Variants in UBE2G1 observed in about 807,000 individuals in gnomAD.
UBE2G1 encodes the protein ubiquitin conjugating enzyme E2 G1.
A neutral mutation model predicts 22.7 loss-of-function variants in UBE2G1; 5 were observed. The ratio of observed to expected loss-of-function variants is 0.22; its 90% CI spans 0.12 to 0.46. UBE2G1 has a LOEUF of 0.46. Ranked by LOEUF, UBE2G1 falls within the 20% of genes least tolerant of loss-of-function variation. The probability of loss-of-function intolerance (pLI) is 0.99; values close to 1 mark genes in which losing one functional copy is unlikely to be tolerated. For synonymous variants in UBE2G1, 74 were observed against 67.5 expected, an observed-to-expected ratio of 1.10 and a Z score of -0.47; for missense variants, 88 against 203.9, an observed-to-expected ratio of 0.43 and a Z score of 3.46.
At position 4,301,492 on chromosome 17, in the gene UBE2G1, C is replaced by T. The variant is rs149137971; in HGVS notation, c.150-4678G>A. ...TATAATAATCCTGCTGCCCTTCAGA[C>T]TCAGGATAAACGGAACAGGCAGGTG... On this transcript the variant is annotated intron_variant, in intron 2 of 5. Coordinates refer to ENST00000396981, the MANE Select transcript of UBE2G1 (RefSeq NM_003342.5). The T allele has an allele frequency of 2.3e-4, 203 of 884,410 alleles. 1 individual carries two copies. The African/African-American group carries it at 2.8e-3, about 12-fold the overall frequency. The allele number at this position is 884,410 out of a possible 1,614,324, so 54.8% of individuals were successfully genotyped here.
rs1968770631 is a variant in UBE2G1 at position 4,272,330 on chromosome 17, G to A, written c.*224C>T. Reference sequence around the variant, plus strand: ...ACAATTCTTCCTGAAGGTTAAAACAGTTCATTAGAATTCAAAATGCGTAAT... The same window carrying A: ...ACAATTCTTCCTGAAGGTTAAAACAATTCATTAGAATTCAAAATGCGTAAT... On this transcript the variant is annotated 3_prime_UTR_variant, in exon 6 of 6. Transcript: ENST00000396981. 5.8e-6 allele frequency: 1 copy of A among 171,776 alleles called. No homozygotes were observed. The highest frequency in any genetic ancestry group is 5.4e-5 in the Admixed American group (1 of 18,384). 10.6% of individuals were successfully genotyped at this position (171,776 alleles called of 1,614,324 possible).
chr17:4,278,365 C>A (rs958162779), intron 5 of UBE2G1, among the ~76,000 whole-genome samples: 1 of 152,172 alleles, frequency 6.6e-6, no homozygotes. Flanking sequence ...CTTCTCTGAA[C>A]CACACTGGAA....
intron 5 of UBE2G1, among the ~76,000 whole-genome samples, chr17:4,278,373 G>C (rs1968845562): frequency 6.6e-6 from 1 of 152,068 alleles, no homozygotes; most frequent in South Asian, 2.1e-4. Flanking sequence ...AACCACACTG[G>C]AAGACAAATT....
chr17:4,275,824 C>A (rs1968814957), intron 5 of UBE2G1, among the ~76,000 whole-genome samples: 1 of 152,162 alleles, frequency 6.6e-6, no homozygotes, highest in African/African-American at 2.4e-5. Flanking sequence ...CCTACACAGC[C>A]ACCCAGTGTA....
chr17:4,271,746 T>C lies in UBE2G1; in HGVS notation c.*808A>G, dbSNP rs994626106. The C allele has an allele frequency of 5.4e-5, 8 of 148,752 alleles. No individual in the cohort carries two copies. The highest frequency in any genetic ancestry group is 8.9e-5 in the Non-Finnish European group (6 of 67,240). 9.2% of individuals were successfully genotyped at this position (148,752 alleles called of 1,614,324 possible). ...ATTGTTTGGGGAAATTTTCAGTAAG[T>C]TGAATTAAGAACCATCTATTTTTAG... On this transcript the variant is annotated 3_prime_UTR_variant, in exon 6 of 6. Coordinates refer to ENST00000396981, the MANE Select transcript of UBE2G1 (RefSeq NM_003342.5).
chr17:4,279,827 A>G (rs1968865370), intron 5 of UBE2G1, among the ~76,000 whole-genome samples: 1 of 141,686 alleles, frequency 7.1e-6, no homozygotes, highest in Non-Finnish European at 1.5e-5. Flanking sequence ...ATATATATAT[A>G]TATATGAACC....
intron 3 of UBE2G1, among the ~76,000 whole-genome samples, chr17:4,289,788 A>G (rs1261047258): frequency 1.3e-5 from 2 of 152,206 alleles, no homozygotes; most frequent in Non-Finnish European, 2.9e-5. Flanking sequence ...CTAGCAACTG[A>G]GTTTCTATGT....
chr17:4,315,523 G>C (rs1002261154), intron 1 of UBE2G1, among the ~76,000 whole-genome samples: 2 of 151,910 alleles, frequency 1.3e-5, no homozygotes, highest in Admixed American at 1.3e-4. Context: ...GGCGGATCAT[G>C]AGGTCAGGAG....
At chr17:4,316,583 CAA>C (rs1181129129) in intron 1 of UBE2G1, among the ~76,000 whole-genome samples, 3 of 152,152 alleles carry the variant, frequency 2.0e-5, no homozygotes, top group African/African-American at 4.8e-5. Context: ...CAAGATGCAT[CAA>C]GTTAATAAAT....
At chr17:4,322,910 G>A (rs774647741) in intron 1 of UBE2G1, among the ~76,000 whole-genome samples, 6 of 152,088 alleles carry the variant, frequency 3.9e-5, no homozygotes, top group African/African-American at 4.8e-5. Context: ...TCATATCTCC[G>A]AAGTGATGGA....
chr17:4,284,865 G>T (rs1968943785), intron 4 of UBE2G1, among the ~76,000 whole-genome samples: 1 of 108,922 alleles, frequency 9.2e-6, no homozygotes, highest in Admixed American at 1.3e-4. Flanking sequence ...TTTTTTTGGA[G>T]ATAGGGTCTC....
intron 1 of UBE2G1, among the ~76,000 whole-genome samples, chr17:4,327,034 G>A (rs1159120081): frequency 6.6e-6 from 1 of 152,124 alleles, no homozygotes; most frequent in Admixed American, 6.5e-5. Context: ...GGTGGCTCAC[G>A]CCTGTAATCC....
chr17:4,322,021 C>G (rs1225693795), intron 1 of UBE2G1, among the ~76,000 whole-genome samples: 2 of 152,138 alleles, frequency 1.3e-5, no homozygotes. Flanking sequence ...ACAGCTTTGT[C>G]TACATTTTGA....
chr17:4,274,364 A>C (rs904578306), intron 5 of UBE2G1, among the ~76,000 whole-genome samples: 1 of 151,924 alleles, frequency 6.6e-6, no homozygotes, highest in Non-Finnish European at 1.5e-5. Context: ...TGCCCGGCTA[A>C]TTTTTTGTAT....
intron 1 of UBE2G1, among the ~76,000 whole-genome samples, chr17:4,322,470 T>C (rs558196827): frequency 6.6e-6 from 1 of 152,240 alleles, no homozygotes; most frequent in Non-Finnish European, 1.5e-5. Flanking sequence ...TGTATGTGCT[T>C]CTTCTCCTTA....
chr17:4,349,603 G>A (rs1288525045), intron 1 of UBE2G1, among the ~76,000 whole-genome samples: 2 of 152,110 alleles, frequency 1.3e-5, no homozygotes, highest in Admixed American at 6.6e-5. Context: ...CAGCAGCTTG[G>A]GAGGCCGAGG....
At chr17:4,295,305 T>C (rs1328739671) in intron 3 of UBE2G1, among the ~76,000 whole-genome samples, 2 of 152,326 alleles carry the variant, frequency 1.3e-5, no homozygotes, top group East Asian at 3.9e-4. Context: ...TATTTTCCTC[T>C]TCTTACTGGT....
intron 1 of UBE2G1, among the ~76,000 whole-genome samples, chr17:4,341,890 C>T (rs1226571022): frequency 3.3e-5 from 5 of 152,176 alleles, no homozygotes; most frequent in African/African-American, 1.2e-4. Flanking sequence ...TTCTGGTTTG[C>T]CTCCTCTGAC....
At chr17:4,363,428 A>G (rs1969991058) in intron 1 of UBE2G1, among the ~76,000 whole-genome samples, 1 of 152,170 alleles carries the variant, frequency 6.6e-6, no homozygotes, top group African/African-American at 2.4e-5. Flanking sequence ...CCCATCAGAA[A>G]GTCAATCATT....
Sources: gnomAD v4.1 joint callset for allele counts (sites outside exome capture counted in the v4.1 genomes callset) on GRCh38, gnomAD v4.1.1 for gene constraint, MANE v1.5 for transcripts, NCBI Gene and HGNC (gene_info 2026-07-23, HGNC 2026-07-21) for gene names.